The following SI variants were observed in gnomAD, a reference collection of about 807,000 sequenced individuals.
The protein encoded by SI is sucrase-isomaltase, intestinal.
In SI, 235 loss-of-function variants were observed where a neutral mutation model predicts 253.3. The ratio of observed to expected loss-of-function variants is 0.93; its 90% CI spans 0.83 to 1.03. The LOEUF (loss-of-function observed/expected upper bound fraction) is 1.03. Ranked by LOEUF, SI falls within the 50% of genes least tolerant of loss-of-function variation. SI has a pLI of 0.00. For synonymous variants in SI, 819 were observed against 712.0 expected (o/e 1.15, Z -2.39); for missense variants, 2,442 against 2,211.1 (o/e 1.10, Z -2.09).
intron 9 of SI, among the ~76,000 whole-genome samples, chr3:165,060,779 T>A (rs1377531497): frequency 2.0e-5 from 3 of 148,474 alleles, no homozygotes; most frequent in Non-Finnish European, 4.5e-5. Context: ...ATACTCAACA[T>A]AATAAATTTT....
At chr3:165,040,018 T>A in intron 18 of SI, 47 bp from the exon 19 acceptor site, 2 of 1,421,992 alleles carry the variant, frequency 1.4e-6, no homozygotes, top group Non-Finnish European at 2.0e-6. Context: ...AAAAATAAGT[T>A]TATCCAAATT....
At position 165,041,202 on chromosome 3, in the gene SI, G is replaced by A. The variant is rs1319746880; in HGVS notation, c.2005-108C>T. 49 of 926,306 alleles carry A rather than the reference G, an allele frequency of 5.3e-5. 1 individual carries two copies. In the South Asian group the frequency reaches 6.1e-4, roughly 12 times the overall value. 57.4% of individuals were successfully genotyped at this position (926,306 alleles called of 1,614,324 possible). ...AAAGCAACTACATAAATTTCAGCTTGTTTATGAGAAATTAAAATTATTCCT... is the reference window on the plus strand; with the variant it reads ...AAAGCAACTACATAAATTTCAGCTTATTTATGAGAAATTAAAATTATTCCT... On this transcript the variant is annotated intron_variant, in intron 17 of 47. Transcript: ENST00000264382.
At chr3:165,014,582 G>A (rs887289430) in intron 33 of SI, among the ~76,000 whole-genome samples, 1 of 152,000 alleles carries the variant, frequency 6.6e-6, no homozygotes, top group African/African-American at 2.4e-5. Context: ...TGTTATCATT[G>A]TTGTTCATTC....
In SI at chr3:165,065,408, T is replaced by C; in HGVS notation, c.660A>G (p.Leu220=). 2 of 1,551,830 alleles carry C rather than the reference T, an allele frequency of 1.3e-6. No individual in the cohort carries two copies. The highest frequency in any genetic ancestry group is 1.1e-5 in the South Asian group (1 of 88,956). The part of the protein sequence containing the change: ...KTLFDTSIGP[L]VYSDQYLQIS... ...TCTGTAAGTACTGGTCAGAGTACAC[T>C]AAGGGACCAATGCTGGTGTCAAACC... The change falls in exon 7 of 48, where the codon TTA becomes TTG. Residue 220 remains leucine, a synonymous_variant. Transcript: ENST00000264382.
intron 37 of SI, among the ~76,000 whole-genome samples, chr3:165,001,633 G>A (rs1342252593): frequency 1.3e-5 from 2 of 150,436 alleles, no homozygotes; most frequent in Non-Finnish European, 3.0e-5. Flanking sequence ...TTGTATCAAT[G>A]TTCTATTCAT....
intron 3 of SI, among the ~76,000 whole-genome samples, chr3:165,071,359 T>C (rs868272309): frequency 6.6e-6 from 1 of 151,868 alleles, no homozygotes; most frequent in Admixed American, 6.6e-5. Context: ...TTCCTCATTA[T>C]TTTTAATTTC....
chr3:164,985,339 A>C (rs1273956588), intron 45 of SI, among the ~76,000 whole-genome samples: 2 of 152,164 alleles, frequency 1.3e-5, no homozygotes, highest in Non-Finnish European at 1.5e-5. Context: ...CCTGCTGGAC[A>C]CAAAGGGAAA....
chr3:165,030,760 AT>A lies in SI; in HGVS notation c.2843del (p.Asp948ValfsTer48), dbSNP rs752264180. ...NERFNCYPDA[D>X]LATEQKCTQR... ...GTGTGCACTTTTGTTCAGTTGCCAA[AT>A]CTGCATCTGGATAACAATTAAATCT... is the stretch of plus-strand genomic sequence containing the variant. On this transcript the variant is annotated frameshift_variant, in exon 25 of 48. Transcript: ENST00000264382. LOFTEE classifies it high-confidence loss of function. 12 of 1,609,178 alleles carry A rather than the reference AT, an allele frequency of 7.5e-6. No individual in the cohort carries two copies. Among genetic ancestry groups the A allele is most frequent in the Non-Finnish European group, 1.0e-5 (12 of 1,176,950 alleles).
In SI at chr3:164,994,341, C is replaced by T; in HGVS notation, c.4757G>A (p.Arg1586Lys). The T allele has an allele frequency of 6.2e-7, 1 of 1,610,820 alleles. No individual in the cohort carries two copies. Among genetic ancestry groups the T allele is most frequent in the Non-Finnish European group, 8.5e-7 (1 of 1,177,704 alleles). ...AEMSRNILNI[R>K]YTLLPYFYTQ... ...GTAAAAATAGGGCAATAAGGTGTAT[C>T]TAATATTTAGAATATTCCTTGACAT... is the stretch of plus-strand genomic sequence containing the variant. Residue 1586 changes from arginine (R) to lysine (K), a missense_variant, in exon 41 of 48, where the codon AGA becomes AAA. Coordinates refer to ENST00000264382, the MANE Select transcript of SI (RefSeq NM_001041.4).
intron 18 of SI, 33 bp from the exon 19 acceptor site, chr3:165,040,004 A>G (rs371858257): frequency 4.2e-5 from 64 of 1,522,280 alleles, no homozygotes; most frequent in Non-Finnish European, 5.3e-5. Flanking sequence ...AAGTATAATA[A>G]TGAAAAAATA....
intron 25 of SI, among the ~76,000 whole-genome samples, chr3:165,024,973 C>T (rs2108190761): frequency 6.6e-6 from 1 of 151,306 alleles, no homozygotes; most frequent in South Asian, 2.1e-4. Context: ...TACTGACAAA[C>T]AATTTGCATA....
At position 165,049,122 on chromosome 3, in the gene SI, C is replaced by T; in HGVS notation, c.1715+5G>A. On this transcript the variant is annotated splice_donor_5th_base_variant and intron_variant, in intron 15 of 47. Transcript: ENST00000264382. ...AAAGAAGTCTTTGAATGAAATTGCACTTACTGCTCTGTGGCTATAGCCATG... is the reference window on the plus strand; with the variant it reads ...AAAGAAGTCTTTGAATGAAATTGCATTTACTGCTCTGTGGCTATAGCCATG... 1 of 1,462,544 alleles carries T rather than the reference C, an allele frequency of 6.8e-7. No homozygotes were observed. The highest frequency in any genetic ancestry group is 9.6e-7 in the Non-Finnish European group (1 of 1,041,808). 90.6% of individuals were successfully genotyped at this position (1,462,544 alleles called of 1,614,324 possible). A position where few individuals can be genotyped will look rare whatever the true frequency, so the allele number is the denominator to read the frequency against.
At position 165,067,434 on chromosome 3, in the gene SI, T is replaced by C; in HGVS notation, c.541A>G (p.Thr181Ala). Reference sequence around the variant, plus strand: ...AACGTATCAGAAACTGTGGGTCCAGTAAACTCTTTTACATACTGATGAGGA... The same window carrying C: ...AACGTATCAGAAACTGTGGGTCCAGCAAACTCTTTTACATACTGATGAGGA... ...EVPHQYVKEF[T>A]GPTVSDTLYD... is the part of the protein sequence containing the mutation. Residue 181 changes from threonine (T) to alanine (A), a missense_variant, in exon 6 of 48, where the codon ACT becomes GCT. By Grantham distance (58) the Thr-to-Ala change is moderately conservative. Transcript: ENST00000264382. 6.2e-7 allele frequency: 1 copy of C among 1,611,694 alleles called. No homozygotes were observed. The highest frequency in any genetic ancestry group is 8.5e-7 in the Non-Finnish European group (1 of 1,178,042).
the SI span, among the ~76,000 whole-genome samples, chr3:165,087,397 G>A: frequency 1.3e-5 from 2 of 152,214 alleles, no homozygotes; most frequent in East Asian, 1.9e-4. Context: ...TCAAGAGAAT[G>A]GAAAGAGATA....
rs9290256 is a variant in SI, at chr3:165,055,169, C to T, written c.1512+25G>A. On this transcript the variant is annotated intron_variant, in intron 13 of 47. Coordinates refer to ENST00000264382, the MANE Select transcript of SI (RefSeq NM_001041.4). ...ATAAGTCTATGGTCATTGACCAAAA[C>T]CATTGGTTTAAAATAGCTACTTACA... 804,102 of 1,358,740 alleles carry T rather than the reference C, an allele frequency of 0.59. 241,241 individuals are homozygous for T. The highest frequency in any genetic ancestry group is 0.83 in the East Asian group (36,030 of 43,400). 84.2% of individuals were successfully genotyped at this position (1,358,740 alleles called of 1,614,324 possible).
intron 21 of SI, among the ~76,000 whole-genome samples, chr3:165,036,864 GA>G (rs997263156): frequency 2.5e-4 from 37 of 147,890 alleles, no homozygotes; most frequent in Admixed American, 6.1e-4. Context: ...CATCTTATGA[GA>G]AAAAAAAATA....
chr3:165,007,236 T>C (rs865816269), intron 36 of SI, among the ~76,000 whole-genome samples: 6 of 152,256 alleles, frequency 3.9e-5, no homozygotes, highest in South Asian at 2.1e-4. Context: ...ATTAGAGTTT[T>C]ATTAAAAATT....
chr3:165,063,360 A>G (rs1330028654), intron 8 of SI, 82 bp downstream of exon 8: 3 of 715,172 alleles, frequency 4.2e-6, no homozygotes, highest in Non-Finnish European at 7.6e-6. Context: ...CTCACATACA[A>G]TATGAATGAT....
In SI at chr3:165,043,013, T is replaced by G. The variant is rs1315704013; in HGVS notation, c.2004+46A>C. Reference sequence around the variant, plus strand: ...TTAATTTAAGTACATTAATAAAAACTATGGTTGTTTTTTATTTCGCAACAT... The same window carrying G: ...TTAATTTAAGTACATTAATAAAAACGATGGTTGTTTTTTATTTCGCAACAT... On this transcript the variant is annotated intron_variant, in intron 17 of 47. Coordinates refer to ENST00000264382, the MANE Select transcript of SI (RefSeq NM_001041.4). The G allele has an allele frequency of 6.4e-6, 7 of 1,099,052 alleles. No individual in the cohort carries two copies. The East Asian group carries it at 7.1e-5, about 11-fold the overall frequency. The allele number at this position is 1,099,052 out of a possible 1,614,324, so 68.1% of individuals were successfully genotyped here. A position where few individuals can be genotyped will look rare whatever the true frequency, so the allele number is the denominator to read the frequency against.
Sources: allele counts gnomAD v4.1 joint callset (sites outside exome capture counted in the v4.1 genomes callset), GRCh38; gene constraint gnomAD v4.1.1; transcripts MANE v1.5; gene names NCBI Gene and HGNC (gene_info 2026-07-23, HGNC 2026-07-21).